The following HDAC1 variants were observed in gnomAD, a reference collection of about 807,000 sequenced individuals.
HDAC1 encodes histone deacetylase 1.
In HDAC1, 18 loss-of-function variants were observed where a neutral mutation model predicts 65.5. The observed-to-expected ratio is 0.27, with a 90% CI of 0.19 to 0.41. The LOEUF is 0.41. Among genes scored for constraint, HDAC1 ranks in the 10% least tolerant of loss-of-function variants. The pLI, the probability that HDAC1 is intolerant of heterozygous loss-of-function variation, is 1.00. For missense variants in HDAC1, 373 were observed against 625.2 expected, an observed-to-expected ratio of 0.60 and a Z score of 4.30; for synonymous variants, 211 against 227.9, an observed-to-expected ratio of 0.93 and a Z score of 0.67.
At chr1:32,301,235 A>G (rs1367087792) in intron 1 of HDAC1, among the ~76,000 whole-genome samples, 7 of 149,116 alleles carry the variant, frequency 4.7e-5, no homozygotes, top group South Asian at 2.1e-4. Context: ...TCACAAGGTC[A>G]GGAGATCAAG....
At chr1:32,294,348 G>A (rs558809227) in intron 1 of HDAC1, among the ~76,000 whole-genome samples, 1 of 151,340 alleles carries the variant, frequency 6.6e-6, no homozygotes, top group Non-Finnish European at 1.5e-5. Flanking sequence ...GGGGTTTCAC[G>A]ATGTTGGCCA....
chr1:32,315,358 ATT>A (rs974437854), intron 2 of HDAC1, among the ~76,000 whole-genome samples: 10 of 151,184 alleles, frequency 6.6e-5, no homozygotes, highest in African/African-American at 1.2e-4. Flanking sequence ...ATTTTTTTTA[ATT>A]TATTTTTTTG....
chr1:32,305,498 T>TCA (rs1282722181), intron 2 of HDAC1, among the ~76,000 whole-genome samples: 1 of 152,228 alleles, frequency 6.6e-6, no homozygotes, highest in Non-Finnish European at 1.5e-5. Flanking sequence ...GATTTCAATT[T>TCA]TGTTGCTAAT....
chr1:32,311,469 A>G (rs977985047), intron 2 of HDAC1, among the ~76,000 whole-genome samples: 1 of 152,010 alleles, frequency 6.6e-6, no homozygotes, highest in Non-Finnish European at 1.5e-5. Flanking sequence ...TCTGTCTCGA[A>G]AAAAAAACAA....
At chr1:32,325,355 G>A (rs894996431) in intron 4 of HDAC1, among the ~76,000 whole-genome samples, 1 of 152,080 alleles carries the variant, frequency 6.6e-6, no homozygotes, top group African/African-American at 2.4e-5. Flanking sequence ...TAATCATTGT[G>A]TCCATCCCCG....
At chr1:32,292,446 G>C in intron 1 of HDAC1, 7 of 984,946 alleles carry the variant, frequency 7.1e-6, no homozygotes, top group Middle Eastern at 5.2e-4. Context: ...AGGTAATCTT[G>C]ATGGGAAGAT....
chr1:32,311,327 G>A (rs897380679), intron 2 of HDAC1, among the ~76,000 whole-genome samples: 2 of 152,106 alleles, frequency 1.3e-5, no homozygotes, highest in Non-Finnish European at 2.9e-5. Flanking sequence ...AATTAGCCGG[G>A]CGTGGTCGCG....
rs1411226658 is a variant in HDAC1 at position 32,327,780 on chromosome 1, A to T, written c.636+103A>T. On this transcript the variant is annotated intron_variant, in intron 6 of 13. Coordinates refer to ENST00000373548, the MANE Select transcript of HDAC1 (RefSeq NM_004964.3). This position sits in a 1 kb window ranked among gnomAD's most constrained non-coding sequence, Gnocchi z 6.0. ...AAAATTGCTTCTTGCCTCTTCTGCCAATCAGAATACCACATCCCAATCTGA... is the reference window on the plus strand; with the variant it reads ...AAAATTGCTTCTTGCCTCTTCTGCCTATCAGAATACCACATCCCAATCTGA... 1.1e-6 allele frequency: 1 copy of T among 938,740 alleles called. No individual in the cohort carries two copies. The highest frequency in any genetic ancestry group is 2.5e-5 in the East Asian group (1 of 39,560). The allele number at this position is 938,740 out of a possible 1,614,324, so 58.2% of individuals were successfully genotyped here.
At position 32,327,953 on chromosome 1, in the gene HDAC1, A is replaced by G. The variant is rs1424834094; in HGVS notation, c.636+276A>G. On this transcript the variant is annotated intron_variant, in intron 6 of 13. Transcript: ENST00000373548. This position sits in a 1 kb window ranked among gnomAD's most constrained non-coding sequence, Gnocchi z 6.0. ...TTGCATCACACTATTCTTATGTCTC[A>G]TAAGCCTTGAGTTTGGGGGTAGGAA... is the stretch of plus-strand genomic sequence containing the variant. 1.3e-5 allele frequency among the ~76,000 whole-genome samples: 2 copies of G among 152,192 alleles called. No homozygotes were observed. The highest frequency in any genetic ancestry group is 4.8e-5 in the African/African-American group (2 of 41,458).
intron 3 of HDAC1, among the ~76,000 whole-genome samples, chr1:32,317,952 T>C (rs981970495): frequency 3.9e-5 from 6 of 152,278 alleles, no homozygotes; most frequent in Admixed American, 2.6e-4. Context: ...TCTGGTGTTA[T>C]TTCCCGCCCC....
chr1:32,332,275 G>C (rs201560295), intron 12 of HDAC1, 33 bp downstream of exon 12: 2 of 1,588,906 alleles, frequency 1.3e-6, no homozygotes, highest in Admixed American at 1.7e-5. Context: ...CTTGGGTCTC[G>C]AGCCTGAGAG....
At chr1:32,318,781 T>G (rs558263583) in intron 3 of HDAC1, among the ~76,000 whole-genome samples, 3 of 152,262 alleles carry the variant, frequency 2.0e-5, no homozygotes, top group African/African-American at 7.2e-5. Flanking sequence ...TCTGCTCTGG[T>G]GCGCCAATTT....
intron 1 of HDAC1, among the ~76,000 whole-genome samples, chr1:32,298,596 G>C (rs1391023592): frequency 6.6e-6 from 1 of 152,220 alleles, no homozygotes; most frequent in Non-Finnish European, 1.5e-5. Context: ...CTGCCATTGA[G>C]AAGCTTTGTA....
Position 32,331,487 on chromosome 1 carries a change from T to C in HDAC1, c.993T>C (p.Asn331=), listed in dbSNP as rs1213289860. Reference sequence around the variant, plus strand: ...TGCCCCAATCAGAGCTTCCATACAATGACTACTTTGAATACTTTGGACCAG... The same window carrying C: ...TGCCCCAATCAGAGCTTCCATACAACGACTACTTTGAATACTTTGGACCAG... ...DTEIPNELPY[N]DYFEYFGPDF... The change falls in exon 10 of 14, where the codon AAT becomes AAC. Residue 331 remains asparagine, a synonymous_variant. Coordinates refer to ENST00000373548, the MANE Select transcript of HDAC1 (RefSeq NM_004964.3). The surrounding 1 kb of genome is among the most constrained non-coding windows in gnomAD (Gnocchi z 4.2). 6.2e-7 allele frequency: 1 copy of C among 1,605,472 alleles called. No individual in the cohort carries two copies. The highest frequency in any genetic ancestry group is 1.3e-5 in the African/African-American group (1 of 74,836).
At chr1:32,322,475 G>T (rs1417344025) in intron 3 of HDAC1, among the ~76,000 whole-genome samples, 1 of 152,036 alleles carries the variant, frequency 6.6e-6, no homozygotes, top group Non-Finnish European at 1.5e-5. Flanking sequence ...CTCCATGTTG[G>T]CCAGGCTAGT....
intron 12 of HDAC1, 56 bp downstream of exon 12, chr1:32,332,298 T>C (rs2148073825): frequency 6.6e-7 from 1 of 1,519,630 alleles, no homozygotes; most frequent in East Asian, 2.3e-5. Context: ...TGAATCTATG[T>C]AGGGCAGTGG....
rs750062822 is a variant in HDAC1 at position 32,292,140 on chromosome 1, G to C, written c.-30G>C. On this transcript the variant is annotated 5_prime_UTR_variant, in exon 1 of 14. Transcript: ENST00000373548. ...CCGCGGGCGGGAGGGCGGACGGACC[G>C]ACTGACGGTAGGGACGGGAGGCGAG... The C allele has an allele frequency of 6.5e-7, 1 of 1,546,912 alleles. No homozygotes were observed. Among genetic ancestry groups the C allele is most frequent in the Non-Finnish European group, 8.7e-7 (1 of 1,145,704 alleles).
intron 4 of HDAC1, among the ~76,000 whole-genome samples, chr1:32,325,427 CA>C (rs1641203987): frequency 6.6e-6 from 1 of 152,202 alleles, no homozygotes. Flanking sequence ...CAATCACCCA[CA>C]GTCACAGGGT....
chr1:32,299,379 A>C (rs972160952), intron 1 of HDAC1, among the ~76,000 whole-genome samples: 1 of 152,292 alleles, frequency 6.6e-6, no homozygotes, highest in East Asian at 1.9e-4. Flanking sequence ...CCTGGGCAAC[A>C]AAGCAAGATG....
Sources: gnomAD v4.1 joint callset for allele counts (sites outside exome capture counted in the v4.1 genomes callset) on GRCh38, gnomAD v4.1.1 for gene constraint, Gnocchi (gnomAD v3.1) non-coding constraint, MANE v1.5 for transcripts, NCBI Gene and HGNC (gene_info 2026-07-23, HGNC 2026-07-21) for gene names.